ARFGAP1: variants seen among roughly 807,000 people sequenced by gnomAD.
ARFGAP1 encodes the protein ARF GTPase activating protein 1.
Under a neutral mutation model 54.0 loss-of-function variants are expected in ARFGAP1, and 26 were observed. That is an observed-to-expected ratio of 0.48 (90% CI 0.35 to 0.67). The LOEUF is 0.67. Ranked by LOEUF, ARFGAP1 falls within the 30% of genes least tolerant of loss-of-function variation. The pLI is 0.00. For synonymous variants in ARFGAP1, 248 were observed against 211.9 expected (o/e 1.17, Z -1.48); for missense variants, 525 against 535.8 (o/e 0.98, Z 0.20).
Position 63,288,133 on chromosome 20 carries a change from G to A in ARFGAP1, c.*260G>A. 2 of 603,630 alleles carry A rather than the reference G, an allele frequency of 3.3e-6. No individual in the cohort carries two copies. The highest frequency in any genetic ancestry group is 6.0e-6 in the Non-Finnish European group (2 of 333,120). The allele number at this position is 603,630 out of a possible 1,614,324, so 37.4% of individuals were successfully genotyped here. ...TCCCCTGGGCATTCTTGGACTCAAG[G>A]CCGGGGCTCTGCGTGGCTTGCTGGG... On this transcript the variant is annotated 3_prime_UTR_variant, in exon 13 of 13. Coordinates refer to ENST00000370283, the MANE Select transcript of ARFGAP1 (RefSeq NM_018209.4).
intron 1 of ARFGAP1, among the ~76,000 whole-genome samples, chr20:63,274,973 C>A (rs1047281946): frequency 6.6e-6 from 1 of 152,220 alleles, no homozygotes; most frequent in Non-Finnish European, 1.5e-5. Flanking sequence ...CCTGCAGCAG[C>A]CACACTGTCG....
Position 63,288,764 on chromosome 20 carries a change from G to A in ARFGAP1, c.*891G>A, listed in dbSNP as rs1293447979. Reference sequence around the variant, plus strand: ...GGGGCTGCCCTGCACACCGGTGCCCGCCACATGCCAACCCTCACCTCCCCG... The same window carrying A: ...GGGGCTGCCCTGCACACCGGTGCCCACCACATGCCAACCCTCACCTCCCCG... On this transcript the variant is annotated 3_prime_UTR_variant, in exon 13 of 13. Transcript: ENST00000370283. 3.2e-5 allele frequency: 11 copies of A among 343,816 alleles called. No individual in the cohort carries two copies. Among genetic ancestry groups the A allele is most frequent in the Non-Finnish European group, 5.8e-5 (10 of 172,494 alleles). 21.3% of individuals were successfully genotyped at this position (343,816 alleles called of 1,614,324 possible). A position where few individuals can be genotyped will look rare whatever the true frequency, so the allele number is the denominator to read the frequency against.
intron 6 of ARFGAP1, 100 bp from the exon 7 acceptor site, chr20:63,278,799 C>G: frequency 9.1e-7 from 1 of 1,102,304 alleles, no homozygotes; most frequent in Non-Finnish European, 1.3e-6. Context: ...GTTGGCACGT[C>G]CCCCAGAGCC....
chr20:63,274,790 C>T (rs1272990098), intron 1 of ARFGAP1, among the ~76,000 whole-genome samples: 1 of 152,196 alleles, frequency 6.6e-6, no homozygotes, highest in Non-Finnish European at 1.5e-5. Context: ...TATCAATTTT[C>T]CTGGTCCTGA....
intron 9 of ARFGAP1, chr20:63,283,609 A>C: frequency 2.0e-6 from 1 of 495,874 alleles, no homozygotes; most frequent in Non-Finnish European, 3.6e-6. Flanking sequence ...AGCTGCAGGG[A>C]CGCCCATCTG....
chr20:63,278,118 GTC>G lies in ARFGAP1; in HGVS notation c.449_450del (p.Ser150TrpfsTer15). The G allele has an allele frequency of 1.9e-6, 3 of 1,613,628 alleles. No individual in the cohort carries two copies. Among genetic ancestry groups the G allele is most frequent in the Non-Finnish European group, 2.5e-6 (3 of 1,179,888 alleles). Reference protein sequence around the residue: ...PRTLPSMVHRVSGQPQSVTAS... With the variant: ...PRTLPSMVHRXSGQPQSVTAS... ...CCAGCCTTCGATTCTCGGTTTCAGAGTCTCTGGCCAGCCGCAGAGTGTGACCG... is the reference window on the plus strand; with the variant it reads ...CCAGCCTTCGATTCTCGGTTTCAGAGTCTGGCCAGCCGCAGAGTGTGACCG... On this transcript the variant is annotated frameshift_variant and splice_region_variant, in exon 6 of 13. Transcript: ENST00000370283. LOFTEE classifies it high-confidence loss of function.
rs777315511 is a variant in ARFGAP1 at position 63,287,705 on chromosome 20, C to T, written c.1053C>T (p.Cys351=). Reference sequence around the variant, plus strand: ...CCCCGAGCAGCGACAGCTGGACGTGCGCGGACACCTCCACCGAGAGGAGGA... The same window carrying T: ...CCCCGAGCAGCGACAGCTGGACGTGTGCGGACACCTCCACCGAGAGGAGGA... ...RKSPSSDSWT[C]ADTSTERRSS... Residue 351 remains cysteine, a synonymous_variant, in exon 13 of 13, where the codon TGC becomes TGT. Transcript: ENST00000370283. 24 of 1,611,594 alleles carry T rather than the reference C, an allele frequency of 1.5e-5. No individual in the cohort carries two copies. In the East Asian group the frequency reaches 2.0e-4, roughly 13 times the overall value.
Position 63,276,097 on chromosome 20 carries a change from T to C in ARFGAP1, c.67T>C (p.Phe23Leu). Residue 23 changes from phenylalanine (F) to leucine (L), a missense_variant, in exon 3 of 13, where the codon TTT becomes CTT. By Grantham distance (22) the Phe-to-Leu change is conservative. Transcript: ENST00000370283. This position sits in a 1 kb window ranked among gnomAD's most constrained non-coding sequence, Gnocchi z 5.2. ...VRVQDENNVC[F>L]ECGAFNPQWV... ...ACTTGTGGCCCCTTTGCAGGTTTGT[T>C]TTGAGTGTGGCGCGTTCAATCCTCA... 2 of 1,613,966 alleles carry C rather than the reference T, an allele frequency of 1.2e-6. No individual in the cohort carries two copies. The highest frequency in any genetic ancestry group is 1.1e-5 in the South Asian group (1 of 91,082).
chr20:63,278,222 G>A lies in ARFGAP1; in HGVS notation c.530+19G>A, dbSNP rs1424307733. The A allele has an allele frequency of 6.2e-7, 1 of 1,611,306 alleles. No homozygotes were observed. The highest frequency in any genetic ancestry group is 8.5e-7 in the Non-Finnish European group (1 of 1,179,292). Reference sequence around the variant, plus strand: ...ATCAAGGGTAAGGACTTGAGAGCTGGGGACGCCTGGCGTGGGCCAGGCCCA... The same window carrying A: ...ATCAAGGGTAAGGACTTGAGAGCTGAGGACGCCTGGCGTGGGCCAGGCCCA... On this transcript the variant is annotated intron_variant, in intron 6 of 12. Coordinates refer to ENST00000370283, the MANE Select transcript of ARFGAP1 (RefSeq NM_018209.4).
Position 63,286,115 on chromosome 20 carries a change from A to T in ARFGAP1, c.835-251A>T, listed in dbSNP as rs768652406. The T allele has an allele frequency of 3.2e-6, 5 of 1,550,194 alleles. No homozygotes were observed. In the South Asian group the frequency reaches 3.6e-5, roughly 11 times the overall value. The stretch of plus-strand genomic sequence containing the variant: ...AGAGCAGGCCTCGCTCCTCCCCCCC[A>T]AGCATGTGGTGGGAGCTCTTGAGGT... On this transcript the variant is annotated intron_variant, in intron 11 of 12. Coordinates refer to ENST00000370283, the MANE Select transcript of ARFGAP1 (RefSeq NM_018209.4).
chr20:63,276,352 C>T lies in ARFGAP1; in HGVS notation c.171-128C>T. 7.2e-7 allele frequency: 1 copy of T among 1,389,600 alleles called. No individual in the cohort carries two copies. The highest frequency in any genetic ancestry group is 1.4e-5 in the African/African-American group (1 of 70,092). 86.1% of individuals were successfully genotyped at this position (1,389,600 alleles called of 1,614,324 possible). On this transcript the variant is annotated intron_variant, in intron 3 of 12. Coordinates refer to ENST00000370283, the MANE Select transcript of ARFGAP1 (RefSeq NM_018209.4). The surrounding 1 kb of genome is among the most constrained non-coding windows in gnomAD (Gnocchi z 5.2). The stretch of plus-strand genomic sequence containing the variant: ...CTAGTGACGCCATGGCACAGAGTTC[C>T]AGCTGCTGGCCACTCAGCCTCCCTG...
rs1306779359 is a variant in ARFGAP1 at position 63,278,943 on chromosome 20, C to T, written c.575C>T (p.Pro192Leu). 6.2e-7 allele frequency: 1 copy of T among 1,614,142 alleles called. No homozygotes were observed. The change falls in exon 7 of 13, where the codon CCT (proline) becomes CTT (leucine). Residue 192 changes from proline (P) to leucine (L), a missense_variant. Physicochemically the swap from Pro to Leu is moderately conservative, Grantham distance 98. Transcript: ENST00000370283. ...GTGGGGTTTGGGAACACGCCACCGC[C>T]TCAGAAGAAAGAAGATGACTTCCTC... Reference protein sequence around the residue: ...RYVGFGNTPPPQKKEDDFLNN... With the variant: ...RYVGFGNTPPLQKKEDDFLNN...
chr20:63,279,204 T>C (rs2067314911), intron 7 of ARFGAP1: 1 of 661,522 alleles, frequency 1.5e-6, no homozygotes, highest in Non-Finnish European at 2.7e-6. Context: ...ACTTCCTTTT[T>C]TTTTTTTTTT....
chr20:63,281,828 C>T (rs1183794541), intron 8 of ARFGAP1, among the ~76,000 whole-genome samples: 1 of 152,142 alleles, frequency 6.6e-6, no homozygotes, highest in Non-Finnish European at 1.5e-5. Context: ...AAGAGCAGGC[C>T]TGACACCAGG....
intron 1 of ARFGAP1, chr20:63,274,233 T>C (rs1018848074): frequency 5.6e-5 from 8 of 141,620 alleles, no homozygotes; most frequent in Non-Finnish European, 1.0e-4. Flanking sequence ...TAACTTTGAA[T>C]AGGTTTAAGG....
rs2067216133 is a variant in ARFGAP1, at chr20:63,275,604, G to A, written c.24G>A (p.Lys8=). The A allele has an allele frequency of 1.4e-5, 23 of 1,613,924 alleles. No homozygotes were observed. The highest frequency in any genetic ancestry group is 1.9e-5 in the Non-Finnish European group (23 of 1,180,002). Residue 8 remains lysine (K), a synonymous_variant, in exon 2 of 13, where the codon AAG becomes AAA. Coordinates refer to ENST00000370283, the MANE Select transcript of ARFGAP1 (RefSeq NM_018209.4). ...TCATGGCCAGCCCAAGAACCAGGAA[G>A]GTTCTTAAAGAAGTCAGGGTGCAGG... MASPRTR[K]VLKEVRVQDE...
chr20:63,276,210 C>T lies in ARFGAP1; in HGVS notation c.170+10C>T. 1 of 1,613,254 alleles carries T rather than the reference C, an allele frequency of 6.2e-7. No homozygotes were observed. Among genetic ancestry groups the T allele is most frequent in the South Asian group, 1.1e-5 (1 of 91,076 alleles). ...TTGGGGTTCACCTCAGGTCAGTGTC[C>T]TGCCGCTCTGGCTCTGCGGAGAGCC... On this transcript the variant is annotated intron_variant, in intron 3 of 12. Transcript: ENST00000370283. The surrounding 1 kb of genome is among the most constrained non-coding windows in gnomAD (Gnocchi z 5.2).
rs1242328260 is a variant in ARFGAP1, at chr20:63,276,489, C to T, written c.180C>T (p.Arg60=). 1.9e-6 allele frequency: 3 copies of T among 1,611,746 alleles called. No individual in the cohort carries two copies. The highest frequency in any genetic ancestry group is 1.7e-5 in the Admixed American group (1 of 59,824). Residue 60 remains arginine, a synonymous_variant, in exon 4 of 13, where the codon CGC becomes CGT. Transcript: ENST00000370283. The surrounding 1 kb of genome is among the most constrained non-coding windows in gnomAD (Gnocchi z 5.2). ...RGLGVHLSFV[R]SVTMDKWKDI... The stretch of plus-strand genomic sequence containing the variant: ...ATCCTCTGCTTTCCAGCTTTGTGCG[C>T]TCTGTTACTATGGACAAGTGGAAGG...
At chr20:63,284,197 A>G (rs760161638) in intron 9 of ARFGAP1, 6 of 1,280,296 alleles carry the variant, frequency 4.7e-6, no homozygotes, top group Middle Eastern at 3.0e-4. Context: ...GGGCGGGGGC[A>G]CTGGGCGCAG....
Sources: gnomAD v4.1 joint callset for allele counts (sites outside exome capture counted in the v4.1 genomes callset) on GRCh38, gnomAD v4.1.1 for gene constraint, Gnocchi (gnomAD v3.1) non-coding constraint, MANE v1.5 for transcripts, NCBI Gene and HGNC (gene_info 2026-07-23, HGNC 2026-07-21) for gene names.